The following GFPT2 variants were observed in gnomAD, a reference collection of about 807,000 sequenced individuals.
The protein encoded by GFPT2 is glutamine--fructose-6-phosphate aminotransferase [isomerizing] 2.
GFPT2 carries 62 observed loss-of-function variants against 85.6 expected under a neutral mutation model. That is an observed-to-expected ratio of 0.72 (90% CI 0.59 to 0.90). The LOEUF (loss-of-function observed/expected upper bound fraction) is 0.90, where lower values mean the gene tolerates loss of function less well. Among genes scored for constraint, GFPT2 ranks in the 40% least tolerant of loss-of-function variants. The pLI is 0.00. For synonymous variants in GFPT2, 368 were observed against 344.5 expected, an observed-to-expected ratio of 1.07 and a Z score of -0.75; for missense variants, 788 against 893.4, an observed-to-expected ratio of 0.88 and a Z score of 1.50.
At chr5:180,325,477 G>A (rs55824010) in intron 7 of GFPT2, among the ~76,000 whole-genome samples, 10,721 of 152,166 alleles carry the variant, frequency 0.07, 544 homozygotes, top group South Asian at 0.15. Flanking sequence ...GTGACACCCC[G>A]TGGATGGAAG....
chr5:180,310,593 T>A (rs1380940369), intron 15 of GFPT2, among the ~76,000 whole-genome samples: 1 of 151,748 alleles, frequency 6.6e-6, no homozygotes, highest in East Asian at 1.9e-4. Context: ...GTGTTTTTAG[T>A]AGAGATGGGG....
At chr5:180,337,440 G>A (rs1480654201) in intron 2 of GFPT2, among the ~76,000 whole-genome samples, 3 of 141,288 alleles carry the variant, frequency 2.1e-5, no homozygotes, top group East Asian at 2.1e-4. Context: ...GTGACAGAGC[G>A]AGACTCCATC....
In GFPT2 at chr5:180,318,730, A is replaced by C. The variant is rs1764060691; in HGVS notation, c.958+63T>G. 3.6e-6 allele frequency: 5 copies of C among 1,401,626 alleles called. No individual in the cohort carries two copies. Among genetic ancestry groups the C allele is most frequent in the African/African-American group, 2.8e-5 (2 of 70,546 alleles). 86.8% of individuals were successfully genotyped at this position (1,401,626 alleles called of 1,614,324 possible). A position where few individuals can be genotyped will look rare whatever the true frequency, so the allele number is the denominator to read the frequency against. ...CTCTACTAGGACCAGGCAGAGTGTC[A>C]GGAGCTCCACCAGGCGCGCTGGCTC... On this transcript the variant is annotated intron_variant, in intron 10 of 18. Coordinates refer to ENST00000253778, the MANE Select transcript of GFPT2 (RefSeq NM_005110.4). The surrounding 1 kb of genome is among the most constrained non-coding windows in gnomAD (Gnocchi z 4.2).
chr5:180,325,036 G>A (rs527785832), intron 7 of GFPT2, 141 bp from the exon 8 acceptor site: 3 of 654,278 alleles, frequency 4.6e-6, no homozygotes, highest in East Asian at 2.7e-5. Context: ...CAGGACGGAC[G>A]CCTGGAGCAC....
intron 13 of GFPT2, 73 bp from the exon 14 acceptor site, chr5:180,314,037 C>G (rs768500736): frequency 5.8e-5 from 82 of 1,417,292 alleles, no homozygotes; most frequent in Non-Finnish European, 7.6e-5. Flanking sequence ...TCCTCCTTCA[C>G]CGCCGGCTCT....
chr5:180,315,808 G>A (rs1763995053), intron 13 of GFPT2, among the ~76,000 whole-genome samples: 2 of 152,176 alleles, frequency 1.3e-5, no homozygotes, highest in South Asian at 2.1e-4. Flanking sequence ...CACCAGATGG[G>A]GTGCATGTAG....
intron 1 of GFPT2, among the ~76,000 whole-genome samples, chr5:180,344,867 G>GT (rs1044726972): frequency 7.9e-5 from 12 of 152,196 alleles, no homozygotes; most frequent in African/African-American, 2.9e-4. Flanking sequence ...TAAGAGGGCT[G>GT]TAATAAGGGG....
intron 16 of GFPT2, among the ~76,000 whole-genome samples, chr5:180,306,141 C>A (rs568669419): frequency 6.6e-6 from 1 of 152,022 alleles, no homozygotes; most frequent in Non-Finnish European, 1.5e-5. Flanking sequence ...TGCACCACCA[C>A]GCCCAGCTAG....
At chr5:180,336,356 C>T in intron 3 of GFPT2, 123 bp downstream of exon 3, 1 of 746,046 alleles carries the variant, frequency 1.3e-6, no homozygotes, top group Non-Finnish European at 2.5e-6. Flanking sequence ...CGGGCTTAGC[C>T]CTCCCTCTGT....
chr5:180,335,527 G>A (rs749379481), intron 4 of GFPT2, among the ~76,000 whole-genome samples: 4 of 152,218 alleles, frequency 2.6e-5, no homozygotes, highest in Non-Finnish European at 5.9e-5. Context: ...TCCCTCACGC[G>A]GCCTCATCCC....
At chr5:180,310,666 C>T (rs1225657634) in intron 15 of GFPT2, among the ~76,000 whole-genome samples, 4 of 151,942 alleles carry the variant, frequency 2.6e-5, no homozygotes, top group East Asian at 1.9e-4. Flanking sequence ...CCACTTCAGC[C>T]TCCCAAAGTG....
At chr5:180,314,813 G>A (rs1763969203) in intron 13 of GFPT2, among the ~76,000 whole-genome samples, 1 of 152,218 alleles carries the variant, frequency 6.6e-6, no homozygotes, top group African/African-American at 2.4e-5. Flanking sequence ...GGGTTCGATA[G>A]TGTTTTTTCA....
chr5:180,336,106 A>G (rs1029231193), intron 3 of GFPT2, 153 bp from the exon 4 acceptor site: 32 of 640,238 alleles, frequency 5.0e-5, no homozygotes, highest in Non-Finnish European at 8.3e-5. Flanking sequence ...CAGGCCCACA[A>G]ACCACCCGTG....
rs1026823864 is a variant in GFPT2, at chr5:180,328,397, C to T, written c.535-59G>A. 15 of 1,386,498 alleles carry T rather than the reference C, an allele frequency of 1.1e-5. No individual in the cohort carries two copies. In the African/African-American group the frequency reaches 1.6e-4, roughly 14 times the overall value. 85.9% of individuals were successfully genotyped at this position (1,386,498 alleles called of 1,614,324 possible). ...TCCAGCAGCCGCTGCTGCAGCCTGG[C>T]CACAGCCCAGGTGCGTCTCCCTGGG... On this transcript the variant is annotated intron_variant, in intron 6 of 18. Coordinates refer to ENST00000253778, the MANE Select transcript of GFPT2 (RefSeq NM_005110.4). The surrounding 1 kb of genome is among the most constrained non-coding windows in gnomAD (Gnocchi z 5.4).
chr5:180,340,149 C>G (rs1764482961), intron 1 of GFPT2, among the ~76,000 whole-genome samples: 1 of 151,848 alleles, frequency 6.6e-6, no homozygotes, highest in East Asian at 1.9e-4. Flanking sequence ...TCATTCCAAC[C>G]TCATACGGTG....
At chr5:180,303,185 G>C (rs1273649089) in intron 17 of GFPT2, among the ~76,000 whole-genome samples, 2 of 149,908 alleles carry the variant, frequency 1.3e-5, no homozygotes, top group Admixed American at 6.7e-5. Flanking sequence ...AGCCGAGATG[G>C]CGCCACTGCA....
chr5:180,352,794 G>A (rs1400501273), intron 1 of GFPT2: 2 of 309,084 alleles, frequency 6.5e-6, no homozygotes, highest in Non-Finnish European at 1.2e-5. Flanking sequence ...CGGGATGGGC[G>A]CCCCGCACTC....
intron 4 of GFPT2, among the ~76,000 whole-genome samples, chr5:180,332,122 C>T (rs907250694): frequency 1.3e-5 from 2 of 152,244 alleles, no homozygotes; most frequent in East Asian, 1.9e-4. Context: ...CATTCCTGCA[C>T]AGCAGGATCT....
intron 9 of GFPT2, among the ~76,000 whole-genome samples, chr5:180,321,275 C>T (rs1581376995): frequency 6.6e-6 from 1 of 152,196 alleles, no homozygotes; most frequent in East Asian, 1.9e-4. Context: ...TCCATTGTAG[C>T]ATTAACCAAC....
Sources: allele counts gnomAD v4.1 joint callset (sites outside exome capture counted in the v4.1 genomes callset), GRCh38; gene constraint gnomAD v4.1.1; non-coding constraint Gnocchi (gnomAD v3.1); transcripts MANE v1.5; gene names NCBI Gene and HGNC (gene_info 2026-07-23, HGNC 2026-07-21).